Variants in MGST1 observed in about 807,000 individuals in gnomAD.
MGST1 encodes the protein glutathione S-transferase 12.
MGST1 carries 5 observed loss-of-function variants against 8.9 expected under a neutral mutation model. That is an observed-to-expected ratio of 0.56 (90% confidence interval 0.29 to 1.19). MGST1 has a LOEUF of 1.19. Among genes scored for constraint, MGST1 ranks in the 50% most tolerant of loss-of-function variants. MGST1 has a pLI of 0.08. For synonymous variants in MGST1, 54 were observed against 67.8 expected, an observed-to-expected ratio of 0.80 and a Z score of 1.00; for missense variants, 182 against 187.4, an observed-to-expected ratio of 0.97 and a Z score of 0.17.
At position 16,359,929 on chromosome 12, in the gene MGST1, G is replaced by T. The variant is rs9332926; in HGVS notation, c.221+2230G>T. Among the ~76,000 whole-genome samples the T allele has an allele frequency of 1.8e-3, 279 of 152,256 alleles. 2 individuals are homozygous for T. The East Asian group carries it at 0.043, about 23-fold the overall frequency. On this transcript the variant is annotated intron_variant, in intron 3 of 3. Coordinates refer to ENST00000396210, the MANE Select transcript of MGST1 (RefSeq NM_020300.5). ...TTCCGACCTTCCACCCTTACTCCCT[G>T]CCCGTGGGATTGTACTTTTAGAGGA...
chr12:16,524,080 A>G (rs1405237332), intron 4 of MGST1, among the ~76,000 whole-genome samples: 4 of 152,100 alleles, frequency 2.6e-5, no homozygotes, highest in Non-Finnish European at 4.4e-5. Context: ...TCAGACTTTA[A>G]GTTGCTATTA....
At chr12:16,531,780 G>C (rs927439287) in intron 4 of MGST1, among the ~76,000 whole-genome samples, 1 of 152,106 alleles carries the variant, frequency 6.6e-6, no homozygotes, top group Non-Finnish European at 1.5e-5. Context: ...TTCTTTGTGC[G>C]GTATTGTTTC....
chr12:16,477,025 C>G (rs1202218583), intron 4 of MGST1, among the ~76,000 whole-genome samples: 6 of 152,164 alleles, frequency 3.9e-5, no homozygotes, highest in Non-Finnish European at 8.8e-5. Flanking sequence ...TTTGTCTATA[C>G]TGTAATTCAC....
At chr12:16,486,878 T>C (rs950320813) in intron 4 of MGST1, among the ~76,000 whole-genome samples, 2 of 115,900 alleles carry the variant, frequency 1.7e-5, no homozygotes, top group Non-Finnish European at 4.4e-5. Context: ...AGGGTTCTAC[T>C]TGATTATACT....
intron 4 of MGST1, chr12:16,551,456 T>C: frequency 3.3e-6 from 2 of 614,504 alleles, no homozygotes; most frequent in Non-Finnish European, 5.8e-6. Context: ...GCTTAGACAG[T>C]TGTCTTCATT....
Position 16,547,354 on chromosome 12 carries a change from C to CT in MGST1, n.483-42168dup, listed in dbSNP as rs1941837137. On this transcript the variant is annotated intron_variant and non_coding_transcript_variant, in intron 4 of 4. Transcript: ENST00000538857. The surrounding 1 kb of genome is among the most constrained non-coding windows in gnomAD (Gnocchi z 4.6). ...GGTGACTCATTAATTAATTGATGTT[C>CT]TTTTTTATCATGTGCTATTGAGTTA... Among the ~76,000 whole-genome samples the CT allele has an allele frequency of 6.6e-6, 1 of 152,104 alleles. No individual in the cohort carries two copies. The highest frequency in any genetic ancestry group is 2.4e-5 in the African/African-American group (1 of 41,418).
At position 16,389,469 on chromosome 12, in the gene MGST1, C is replaced by T. The variant is rs193276453; in HGVS notation, n.778+5865C>T. Among the ~76,000 whole-genome samples, 32 of 152,212 alleles carry T rather than the reference C, an allele frequency of 2.1e-4. 1 individual carries two copies. Among genetic ancestry groups the T allele is most frequent in the African/African-American group, 7.2e-4 (30 of 41,542 alleles). On this transcript the variant is annotated intron_variant and non_coding_transcript_variant, in intron 1 of 1. Coordinates refer to the MGST1 transcript ENST00000359720. This position sits in a 1 kb window ranked among gnomAD's most constrained non-coding sequence, Gnocchi z 4.6. ...GATTCCATGGGTCGGGTCAAATTGA[C>T]GGCACGGAACATTGCTTACTCTTGA...
chr12:16,389,581 G>A lies in MGST1; in HGVS notation n.778+5977G>A, dbSNP rs1672550006. Among the ~76,000 whole-genome samples, 2 of 152,076 alleles carry A rather than the reference G, an allele frequency of 1.3e-5. No individual in the cohort carries two copies. Among genetic ancestry groups the A allele is most frequent in the African/African-American group, 4.8e-5 (2 of 41,358 alleles). ...GCCAGTAGAAAAATGGGGTTTCCCT[G>A]GATTTCCTTGGTCTGGTAGGTGCAG... On this transcript the variant is annotated intron_variant and non_coding_transcript_variant, in intron 1 of 1. Transcript: ENST00000359720. This position sits in a 1 kb window ranked among gnomAD's most constrained non-coding sequence, Gnocchi z 4.6.
chr12:16,579,415 T>C (rs1225644537), intron 4 of MGST1, among the ~76,000 whole-genome samples: 1 of 152,196 alleles, frequency 6.6e-6, no homozygotes, highest in African/African-American at 2.4e-5. Context: ...TTTGGTAGGA[T>C]TTACATAACC....
chr12:16,375,992 C>A, intron 3 of MGST1: 2 of 508,414 alleles, frequency 3.9e-6, no homozygotes, highest in South Asian at 6.7e-5. Flanking sequence ...TATATACACA[C>A]ACAACACCCA....
chr12:16,480,672 G>A (rs1941358086), intron 4 of MGST1, among the ~76,000 whole-genome samples: 1 of 152,142 alleles, frequency 6.6e-6, no homozygotes, highest in African/African-American at 2.4e-5. Flanking sequence ...AGAAACAAAA[G>A]CCAGGGATTG....
At chr12:16,402,365 C>T (rs1349923655) in intron 1 of MGST1, 1 of 1,603,394 alleles carries the variant, frequency 6.2e-7, no homozygotes, top group African/African-American at 1.3e-5. Flanking sequence ...CTGCCAATTG[C>T]TGTACAGTCT....
At chr12:16,481,780 G>C (rs2137145643) in intron 4 of MGST1, among the ~76,000 whole-genome samples, 1 of 151,952 alleles carries the variant, frequency 6.6e-6, no homozygotes, top group Middle Eastern at 3.4e-3. Context: ...AAAATAATTT[G>C]ATCATAGTTT....
At chr12:16,407,161 A>G (rs1321225803) in intron 1 of MGST1, among the ~76,000 whole-genome samples, 2 of 152,228 alleles carry the variant, frequency 1.3e-5, no homozygotes, top group Non-Finnish European at 2.9e-5. Context: ...TTTGCAAACT[A>G]TGCATCTGAA....
intron 4 of MGST1, among the ~76,000 whole-genome samples, chr12:16,505,054 T>G (rs1941528192): frequency 6.6e-6 from 1 of 152,198 alleles, no homozygotes; most frequent in East Asian, 1.9e-4. Flanking sequence ...CTCAACAAAT[T>G]ATTTTGTATT....
At chr12:16,494,495 A>C (rs982937740) in intron 4 of MGST1, among the ~76,000 whole-genome samples, 2 of 152,224 alleles carry the variant, frequency 1.3e-5, no homozygotes. Context: ...ACTAACAAAC[A>C]GAAATATGTT....
Position 16,555,426 on chromosome 12 carries a change from C to A in MGST1, n.483-34102C>A, listed in dbSNP as rs1359690853. Among the ~76,000 whole-genome samples, 1 of 152,134 alleles carries A rather than the reference C, an allele frequency of 6.6e-6. No homozygotes were observed. Among genetic ancestry groups the A allele is most frequent in the South Asian group, 2.1e-4 (1 of 4,830 alleles). On this transcript the variant is annotated intron_variant and non_coding_transcript_variant, in intron 4 of 4. Transcript: ENST00000538857. This position sits in a 1 kb window ranked among gnomAD's most constrained non-coding sequence, Gnocchi z 5.5. Reference sequence around the variant, plus strand: ...TTTGCCATTATAGTCAGCAGTTCTGCGGTAAATGACCACGAGTTATATTTC... The same window carrying A: ...TTTGCCATTATAGTCAGCAGTTCTGAGGTAAATGACCACGAGTTATATTTC...
At chr12:16,569,951 T>C (rs2137428191) in intron 4 of MGST1, among the ~76,000 whole-genome samples, 1 of 152,270 alleles carries the variant, frequency 6.6e-6, no homozygotes. Context: ...GGTAAGTTTA[T>C]AATGAAGGAA....
At chr12:16,522,797 G>C (rs1013305525) in intron 4 of MGST1, among the ~76,000 whole-genome samples, 1 of 152,034 alleles carries the variant, frequency 6.6e-6, no homozygotes, top group African/African-American at 2.4e-5. Context: ...TAAGTGTGCT[G>C]ATGGCTAGAA....
Sources: gnomAD v4.1 joint callset for allele counts (sites outside exome capture counted in the v4.1 genomes callset) on GRCh38, gnomAD v4.1.1 for gene constraint, Gnocchi (gnomAD v3.1) non-coding constraint, MANE v1.5 for transcripts, NCBI Gene and HGNC (gene_info 2026-07-23, HGNC 2026-07-21) for gene names.